The following AGBL4 variants were observed in gnomAD, a reference collection of about 807,000 sequenced individuals.
The protein encoded by AGBL4 is cytosolic carboxypeptidase 6.
In AGBL4, 58 loss-of-function variants were observed where a neutral mutation model predicts 66.4. The ratio of observed to expected loss-of-function variants is 0.87; its 90% CI spans 0.71 to 1.09. The LOEUF (loss-of-function observed/expected upper bound fraction) is 1.09, where lower values mean the gene tolerates loss of function less well. AGBL4 is among the 50% of genes least tolerant of loss of function. The pLI is 0.00. For synonymous variants in AGBL4, 234 were observed against 222.9 expected, an observed-to-expected ratio of 1.05 and a Z score of -0.44; for missense variants, 579 against 631.0, an observed-to-expected ratio of 0.92 and a Z score of 0.88.
intron 5 of AGBL4, among the ~76,000 whole-genome samples, chr1:48,903,234 C>G (rs141396249): frequency 6.6e-6 from 1 of 152,182 alleles, no homozygotes; most frequent in Non-Finnish European, 1.5e-5. Flanking sequence ...CCTTTAATCT[C>G]GCCTCCAAGT....
intron 5 of AGBL4, among the ~76,000 whole-genome samples, chr1:49,038,225 T>C (rs1664816550): frequency 6.6e-6 from 1 of 152,090 alleles, no homozygotes; most frequent in Non-Finnish European, 1.5e-5. Flanking sequence ...TCACATAATA[T>C]TCTTCTGACC....
In AGBL4 at chr1:49,360,824, A is replaced by AT. The variant is rs891187339; in HGVS notation, c.283-114961dup. On this transcript the variant is annotated intron_variant, in intron 3 of 13. Coordinates refer to ENST00000371839, the MANE Select transcript of AGBL4 (RefSeq NM_032785.4). ...TGTGGTTGTATTTTTTTTAATTTTTATTTTTTTTGAGATGGAGTCACTCTG... is the reference window on the plus strand; with the variant it reads ...TGTGGTTGTATTTTTTTTAATTTTTATTTTTTTTTGAGATGGAGTCACTCTG... Among the ~76,000 whole-genome samples the AT allele has an allele frequency of 4.6e-5, 7 of 151,798 alleles. No homozygotes were observed. In the East Asian group the frequency reaches 7.7e-4, roughly 17 times the overall value.
At chr1:49,418,180 C>G (rs1313281937) in intron 3 of AGBL4, among the ~76,000 whole-genome samples, 1 of 152,136 alleles carries the variant, frequency 6.6e-6, no homozygotes, top group Non-Finnish European at 1.5e-5. Context: ...CCCTACTTAT[C>G]TAAGCCAAAT....
chr1:49,800,626 T>C (rs1013565756), intron 2 of AGBL4, among the ~76,000 whole-genome samples: 3 of 112,932 alleles, frequency 2.7e-5, no homozygotes, highest in Non-Finnish European at 5.4e-5. Context: ...TTTGGTTTTT[T>C]GTTCTTGCGA....
chr1:49,448,127 T>C (rs1442651287), intron 3 of AGBL4, among the ~76,000 whole-genome samples: 1 of 152,150 alleles, frequency 6.6e-6, no homozygotes, highest in Non-Finnish European at 1.5e-5. Flanking sequence ...GTAAGAGACC[T>C]AAATTTGAAA....
chr1:49,955,828 C>G (rs1039963926), intron 1 of AGBL4, among the ~76,000 whole-genome samples: 3 of 151,826 alleles, frequency 2.0e-5, no homozygotes, highest in African/African-American at 2.4e-5. Context: ...TGCAATCACT[C>G]TGTGCCAATT....
chr1:48,570,365 G>A (rs1302938088), intron 11 of AGBL4, among the ~76,000 whole-genome samples: 1 of 152,190 alleles, frequency 6.6e-6, no homozygotes, highest in Non-Finnish European at 1.5e-5. Context: ...GCCTCTTTGA[G>A]GAGCAGTAGG....
chr1:49,762,006 C>T (rs1471800744), intron 2 of AGBL4, among the ~76,000 whole-genome samples: 1 of 152,188 alleles, frequency 6.6e-6, no homozygotes, highest in Non-Finnish European at 1.5e-5. Flanking sequence ...AATCCCACAC[C>T]TTGGTTATTG....
intron 3 of AGBL4, among the ~76,000 whole-genome samples, chr1:49,332,333 CAATT>C (rs1419328072): frequency 5.3e-5 from 8 of 152,172 alleles, no homozygotes; most frequent in Middle Eastern, 3.4e-3. Flanking sequence ...CTAGTAAAGA[CAATT>C]AATAAGGAAT....
rs1314711998 is a variant in AGBL4 at position 48,581,276 on chromosome 1, G to T, written c.1267+5728C>A. On this transcript the variant is annotated intron_variant, in intron 11 of 13. Transcript: ENST00000371839. Reference sequence around the variant, plus strand: ...GCAAGGCATATATGGGCTCTGAAATGAGACTAACCCAATTAACTGAATTTG... The same window carrying T: ...GCAAGGCATATATGGGCTCTGAAATTAGACTAACCCAATTAACTGAATTTG... Among the ~76,000 whole-genome samples the T allele has an allele frequency of 2.0e-5, 3 of 152,306 alleles. No individual in the cohort carries two copies. In the East Asian group the frequency reaches 5.8e-4, roughly 29 times the overall value.
At chr1:48,891,595 T>C (rs184663024) in intron 5 of AGBL4, among the ~76,000 whole-genome samples, 245 of 152,344 alleles carry the variant, frequency 1.6e-3, no homozygotes, top group Non-Finnish European at 2.9e-3. Flanking sequence ...TCAGCTCTAC[T>C]GCCTTTTGTC....
chr1:48,890,890 G>A (rs1279274583), intron 5 of AGBL4, among the ~76,000 whole-genome samples: 2 of 152,270 alleles, frequency 1.3e-5, no homozygotes. Flanking sequence ...TCGTGTTGGT[G>A]AGAACTGATC....
At chr1:49,347,096 T>TTAAC (rs1645646155) in intron 3 of AGBL4, among the ~76,000 whole-genome samples, 1 of 152,160 alleles carries the variant, frequency 6.6e-6, no homozygotes, top group Non-Finnish European at 1.5e-5. Flanking sequence ...TACACAAAGA[T>TTAAC]TAACAATCCT....
rs533577456 is a variant in AGBL4, at chr1:49,312,057, A to G, written c.283-66193T>C. ...CAACAATACTATGGCAAAAGGAAAG[A>G]GAAATAATAAAATGAGACAATTTCT... On this transcript the variant is annotated intron_variant, in intron 3 of 13. Coordinates refer to ENST00000371839, the MANE Select transcript of AGBL4 (RefSeq NM_032785.4). 5.9e-5 allele frequency among the ~76,000 whole-genome samples: 9 copies of G among 152,254 alleles called. No individual in the cohort carries two copies. In the South Asian group the frequency reaches 1.4e-3, roughly 25 times the overall value.
At chr1:48,607,814 G>C (rs1452078325) in intron 9 of AGBL4, among the ~76,000 whole-genome samples, 1 of 152,106 alleles carries the variant, frequency 6.6e-6, no homozygotes, top group Non-Finnish European at 1.5e-5. Context: ...AATAATCTAA[G>C]TCCTGACTCC....
At position 49,598,266 on chromosome 1, in the gene AGBL4, G is replaced by A. The variant is rs372384816; in HGVS notation, c.282+99047C>T. Among the ~76,000 whole-genome samples, 57 of 152,320 alleles carry A rather than the reference G, an allele frequency of 3.7e-4. 1 individual carries two copies. In the East Asian group the frequency reaches 0.01, roughly 28 times the overall value. On this transcript the variant is annotated intron_variant, in intron 3 of 13. Transcript: ENST00000371839. ...CGTTCCGTTGCTGGTGAGGAACTGC[G>A]TTCCTTTGGAGGAGGAGATGCGCTC...
chr1:49,091,642 A>G (rs894568121), intron 4 of AGBL4, among the ~76,000 whole-genome samples: 4 of 152,098 alleles, frequency 2.6e-5, no homozygotes, highest in Admixed American at 1.3e-4. Flanking sequence ...AGAACTTAAA[A>G]CAGAATTTTA....
In AGBL4 at chr1:48,964,099, G is replaced by T. The variant is rs1007082761; in HGVS notation, c.594+81485C>A. On this transcript the variant is annotated intron_variant, in intron 5 of 13. Transcript: ENST00000371839. ...GACACAGGTCCTGTGATGGAGTCAG[G>T]GTAGGTGTAGGACATGCTACAAGCA... Among the ~76,000 whole-genome samples, 13 of 152,318 alleles carry T rather than the reference G, an allele frequency of 8.5e-5. No homozygotes were observed. The East Asian group carries it at 1.7e-3, about 20-fold the overall frequency.
intron 6 of AGBL4, among the ~76,000 whole-genome samples, chr1:48,863,702 A>G (rs977427852): frequency 6.6e-6 from 1 of 152,160 alleles, no homozygotes; most frequent in African/African-American, 2.4e-5. Context: ...ACTAATGGGT[A>G]GAAATATAGA....
Sources: allele counts gnomAD v4.1 joint callset (sites outside exome capture counted in the v4.1 genomes callset), GRCh38; gene constraint gnomAD v4.1.1; transcripts MANE v1.5; gene names NCBI Gene and HGNC (gene_info 2026-07-23, HGNC 2026-07-21).